MAIP1: variants seen among roughly 807,000 people sequenced by gnomAD.
The protein encoded by MAIP1 is matrix AAA peptidase interacting protein 1.
In MAIP1, 28 loss-of-function variants were observed where a neutral mutation model predicts 31.2. The ratio of observed to expected loss-of-function variants is 0.90; its 90% CI spans 0.67 to 1.23. MAIP1 has a LOEUF of 1.23. Ranked by LOEUF, MAIP1 falls within the 50% of genes most tolerant of loss-of-function variation. The probability of loss-of-function intolerance (pLI) is 0.00; values close to 1 mark genes in which losing one functional copy is unlikely to be tolerated. For synonymous variants in MAIP1, 142 were observed against 142.3 expected (o/e 1.00, Z 0.02); for missense variants, 339 against 356.0 (o/e 0.95, Z 0.38).
chr2:199,963,635 C>T (rs1384512168), intron 4 of MAIP1, 98 bp from the exon 5 acceptor site: 1 of 685,610 alleles, frequency 1.5e-6, no homozygotes, highest in Non-Finnish European at 2.4e-6. Context: ...TATCTTGTTG[C>T]CAAAAATTCT....
In MAIP1 at chr2:199,955,864, C is replaced by A; in HGVS notation, c.66C>A (p.Val22=). Residue 22 remains valine (V), a synonymous_variant, in exon 1 of 5, where the codon GTC becomes GTA. Coordinates refer to ENST00000392290, the MANE Select transcript of MAIP1 (RefSeq NM_001394955.1). ...CTCGGTCGCTGCCCTGCGGGGCCGT[C>A]CGACTCCGGACTCCTGCTGTGGCCG... The part of the protein sequence containing the change: ...LHSRSLPCGA[V]RLRTPAVAEV... The A allele has an allele frequency of 6.5e-7, 1 of 1,532,656 alleles. No homozygotes were observed. Among genetic ancestry groups the A allele is most frequent in the Non-Finnish European group, 8.8e-7 (1 of 1,142,312 alleles). The allele number at this position is 1,532,656 out of a possible 1,614,324, so 94.9% of individuals were successfully genotyped here.
rs768716654 is a variant in MAIP1, at chr2:199,961,933, G to A, written c.797+5G>A. 1 of 1,607,594 alleles carries A rather than the reference G, an allele frequency of 6.2e-7. No homozygotes were observed. Among genetic ancestry groups the A allele is most frequent in the South Asian group, 1.1e-5 (1 of 89,630 alleles). On this transcript the variant is annotated splice_donor_5th_base_variant and intron_variant, in intron 4 of 4. Transcript: ENST00000392290. ...ACTTCTTAGTGCAAGCTATGAGTAA[G>A]TTTAATCAGATTTCATTGTTTCCTT...
At chr2:199,956,399 T>C in intron 1 of MAIP1, 151 bp downstream of exon 1, 3 of 720,640 alleles carry the variant, frequency 4.2e-6, no homozygotes, top group Non-Finnish European at 4.7e-6. Context: ...ATTGCTTGAC[T>C]TAAAGTAAGC....
intron 4 of MAIP1, 64 bp from the exon 5 acceptor site, chr2:199,963,669 C>A: frequency 1.1e-6 from 1 of 949,920 alleles, no homozygotes; most frequent in Non-Finnish European, 1.6e-6. Flanking sequence ...TTGCAAATTA[C>A]ATAGTTATCT....
rs755276377 is a variant in MAIP1 at position 199,963,745 on chromosome 2, G to A, written c.810G>A (p.Glu270=). 3.1e-6 allele frequency: 5 copies of A among 1,598,470 alleles called. No individual in the cohort carries two copies. The highest frequency in any genetic ancestry group is 4.3e-6 in the Non-Finnish European group (5 of 1,166,344). The change falls in exon 5 of 5, where the codon GAG becomes GAA. Residue 270 remains glutamate, a synonymous_variant. Transcript: ENST00000392290. ...ATGTCTTTCCTAGGTTTCAGAGGGA[G>A]TTCACACAAGGAGTAAAGCCTGACT... The part of the protein sequence containing the change: ...LLSASYEFQR[E]FTQGVKPDWT...
intron 3 of MAIP1, 149 bp from the exon 4 acceptor site, chr2:199,961,632 A>G (rs931505866): frequency 1.6e-6 from 1 of 607,632 alleles, no homozygotes; most frequent in African/African-American, 1.8e-5. Context: ...TAGTATCAAT[A>G]CAAGTATTTT....
chr2:199,962,132 T>C (rs1190223299), intron 4 of MAIP1, among the ~76,000 whole-genome samples: 1 of 152,248 alleles, frequency 6.6e-6, no homozygotes, highest in Non-Finnish European at 1.5e-5. Context: ...TTTAATTAAA[T>C]GATGTTTTAG....
At chr2:199,955,532 G>C, upstream of MAIP1, 1 of 1,572,260 alleles carries the variant, frequency 6.4e-7, no homozygotes, top group Non-Finnish European at 8.7e-7. Context: ...GTTCCTCAGC[G>C]CCATCCGCCC....
At chr2:199,958,343 T>G (rs1251174170) in intron 1 of MAIP1, among the ~76,000 whole-genome samples, 1 of 152,184 alleles carries the variant, frequency 6.6e-6, no homozygotes, top group Admixed American at 6.5e-5. Context: ...AGGCTTTATC[T>G]CCAAATATAG....
chr2:199,957,039 C>CTG (rs1553572106), intron 1 of MAIP1, among the ~76,000 whole-genome samples: 1 of 129,832 alleles, frequency 7.7e-6, no homozygotes, highest in Non-Finnish European at 1.6e-5. Flanking sequence ...TGGGTACATG[C>CTG]TTTTTTTTTT....
In MAIP1 at chr2:199,959,269, CT is replaced by C; in HGVS notation, c.456del (p.Phe152LeufsTer28). 1 of 1,553,762 alleles carries C rather than the reference CT, an allele frequency of 6.4e-7. No homozygotes were observed. Among genetic ancestry groups the C allele is most frequent in the Non-Finnish European group, 8.9e-7 (1 of 1,126,674 alleles). ...ITEFSEGAKQ[A>X]FAHVSKLLSQ... ...ACTTCCCTTAATATTTTTTTCAAGG[CT>C]TTTGCTCATGTATCCAAGTTGCTGT... On this transcript the variant is annotated frameshift_variant and splice_region_variant, in exon 2 of 5. Transcript: ENST00000392290. LOFTEE classifies it high-confidence loss of function.
At chr2:199,955,469 A>C (rs1166596750), upstream of MAIP1, 1 of 1,613,612 alleles carries the variant, frequency 6.2e-7, no homozygotes. Flanking sequence ...CTGCCCGGCC[A>C]TGGTTGCTCA....
chr2:199,956,346 T>C, intron 1 of MAIP1, 98 bp downstream of exon 1: 1 of 930,754 alleles, frequency 1.1e-6, no homozygotes, highest in Non-Finnish European at 1.6e-6. Flanking sequence ...GGGATACAAG[T>C]GATCAAACGT....
In MAIP1 at chr2:199,959,857, T is replaced by C. The variant is rs765727760; in HGVS notation, c.626T>C (p.Ile209Thr). Residue 209 changes from isoleucine (I) to threonine (T), a missense_variant, in exon 3 of 5, where the codon ATC becomes ACC. Physicochemically the swap from Ile to Thr is moderately conservative, Grantham distance 89 (BLOSUM62 -1). Transcript: ENST00000392290. ...DEIVFTSTGD[I>T]SIYYDEKGRK... ...ATTGTATTTACATCAACAGGAGACA[T>C]CTCCATTTACTATGATGAGAAAGGT... 1.2e-5 allele frequency: 19 copies of C among 1,612,244 alleles called. No individual in the cohort carries two copies. Among genetic ancestry groups the C allele is most frequent in the Non-Finnish European group, 1.4e-5 (16 of 1,179,064 alleles).
chr2:199,958,701 G>A (rs757834191), intron 1 of MAIP1, among the ~76,000 whole-genome samples: 1 of 152,192 alleles, frequency 6.6e-6, no homozygotes, highest in Non-Finnish European at 1.5e-5. Context: ...CTCATTGCTA[G>A]CAGTGAGGAG....
chr2:199,955,684 G>C lies in MAIP1; in HGVS notation c.-115G>C. ...GGACGGGGCCGACTCACCAGAGGCT[G>C]CAGCAACAGGTCCACTTTGCTCTCC... is the stretch of plus-strand genomic sequence containing the variant. On this transcript the variant is annotated 5_prime_UTR_variant, in exon 1 of 5. Transcript: ENST00000392290. The C allele has an allele frequency of 8.5e-7, 1 of 1,177,950 alleles. No homozygotes were observed. Among genetic ancestry groups the C allele is most frequent in the Non-Finnish European group, 1.2e-6 (1 of 852,634 alleles). 73.0% of individuals were successfully genotyped at this position (1,177,950 alleles called of 1,614,324 possible).
In MAIP1 at chr2:199,958,374, G is replaced by A. The variant is rs541223892; in HGVS notation, c.451-894G>A. Among the ~76,000 whole-genome samples, 7 of 152,202 alleles carry A rather than the reference G, an allele frequency of 4.6e-5. No individual in the cohort carries two copies. In the East Asian group the frequency reaches 1.4e-3, roughly 29 times the overall value. ...TATAGTCACATTTCAAGGTTCTGGG[G>A]GTTAGAGCTTCAGCATAAATTTTCG... On this transcript the variant is annotated intron_variant, in intron 1 of 4. Transcript: ENST00000392290.
rs1487283029 is a variant in MAIP1, at chr2:199,955,668, C to G, written c.-131C>G. ...GCGTGCTGGAGAGCGGGGACGGGGC[C>G]GACTCACCAGAGGCTGCAGCAACAG... On this transcript the variant is annotated 5_prime_UTR_variant, in exon 1 of 5. Coordinates refer to ENST00000392290, the MANE Select transcript of MAIP1 (RefSeq NM_001394955.1). 1.8e-6 allele frequency: 2 copies of G among 1,127,068 alleles called. No individual in the cohort carries two copies. The highest frequency in any genetic ancestry group is 2.5e-6 in the Non-Finnish European group (2 of 811,344). The allele number at this position is 1,127,068 out of a possible 1,614,324, so 69.8% of individuals were successfully genotyped here.
rs767845669 is a variant in MAIP1, at chr2:199,956,171, C to A, written c.373C>A (p.Arg125=). The A allele has an allele frequency of 1.2e-6, 2 of 1,614,172 alleles. No homozygotes were observed. Among genetic ancestry groups the A allele is most frequent in the South Asian group, 2.2e-5 (2 of 91,090 alleles). The change falls in exon 1 of 5, where the codon CGA becomes AGA. Residue 125 remains arginine (R), a synonymous_variant. Transcript: ENST00000392290. ...CAACCCCATCAACTGGGTTAGGACT[C>A]GAATTAAGGCCTTCCTTATCTGGGC... The part of the protein sequence containing the change: ...FSNPINWVRT[R]IKAFLIWAYF...
Sources: allele counts gnomAD v4.1 joint callset (sites outside exome capture counted in the v4.1 genomes callset), GRCh38; gene constraint gnomAD v4.1.1; transcripts MANE v1.5; gene names NCBI Gene and HGNC (gene_info 2026-07-23, HGNC 2026-07-21).